ZNF827: variants seen among roughly 807,000 people sequenced by gnomAD.
ZNF827 encodes the protein zinc finger protein 827.
ZNF827 carries 13 observed loss-of-function variants against 102.4 expected under a neutral mutation model. The observed-to-expected ratio is 0.13, with a 90% CI of 0.08 to 0.20. The LOEUF (loss-of-function observed/expected upper bound fraction) is 0.20. ZNF827 is among the 10% of genes least tolerant of loss of function. The pLI, the probability that ZNF827 is intolerant of heterozygous loss-of-function variation, is 1.00. For missense variants in ZNF827, 1,103 were observed against 1,344.4 expected, an observed-to-expected ratio of 0.82 and a Z score of 2.81; for synonymous variants, 523 against 536.2, an observed-to-expected ratio of 0.98 and a Z score of 0.34.
At chr4:145,770,338 AT>A (rs752306437) in intron 11 of ZNF827, among the ~76,000 whole-genome samples, 3,974 of 66,162 alleles carry the variant, frequency 0.06, 94 homozygotes, top group Middle Eastern at 0.14. Context: ...AAATAAATAA[AT>A]AAATAAATAA....
intron 5 of ZNF827, among the ~76,000 whole-genome samples, chr4:145,868,722 T>C (rs1748422723): frequency 1.3e-5 from 2 of 152,252 alleles, no homozygotes; most frequent in South Asian, 4.1e-4. Context: ...CTTTTGGTGC[T>C]ACCCAAGTCT....
chr4:145,831,645 T>TA (rs1744220368), intron 7 of ZNF827: 2 of 152,358 alleles, frequency 1.3e-5, no homozygotes, highest in East Asian at 3.9e-4. Flanking sequence ...CTGTAGCAAT[T>TA]AAAAACTAAA....
chr4:145,894,093 A>G (rs1307935950), intron 2 of ZNF827, among the ~76,000 whole-genome samples: 1 of 152,220 alleles, frequency 6.6e-6, no homozygotes, highest in South Asian at 2.1e-4. Flanking sequence ...TAGATGTGAC[A>G]GTGGAATTGT....
intron 4 of ZNF827, among the ~76,000 whole-genome samples, chr4:145,882,094 G>A (rs953960798): frequency 4.6e-5 from 7 of 152,140 alleles, no homozygotes; most frequent in African/African-American, 7.2e-5. Flanking sequence ...GCTGGCTATG[G>A]GTGACAAGGC....
chr4:145,862,918 C>T (rs146327350), intron 5 of ZNF827, among the ~76,000 whole-genome samples: 5 of 152,056 alleles, frequency 3.3e-5, no homozygotes, highest in Non-Finnish European at 7.4e-5. Flanking sequence ...AAATTAAAAA[C>T]GTTCATGCTG....
intron 4 of ZNF827, among the ~76,000 whole-genome samples, chr4:145,878,590 G>A (rs1257787849): frequency 1.5e-5 from 2 of 137,740 alleles, no homozygotes; most frequent in Non-Finnish European, 3.1e-5. Context: ...GACAGGACAG[G>A]ACAGGACAGG....
intron 8 of ZNF827, among the ~76,000 whole-genome samples, chr4:145,805,053 A>G (rs1741272165): frequency 6.6e-6 from 1 of 151,838 alleles, no homozygotes. Flanking sequence ...TGTTAGAGTA[A>G]TTTGCAGTTT....
intron 8 of ZNF827, among the ~76,000 whole-genome samples, chr4:145,820,804 C>T (rs985381443): frequency 2.0e-5 from 3 of 152,096 alleles, no homozygotes; most frequent in Admixed American, 6.6e-5. Flanking sequence ...AATCTGCTGC[C>T]GGATTGGTCT....
At chr4:145,922,826 C>A (rs1165366914) in intron 1 of ZNF827, among the ~76,000 whole-genome samples, 1 of 152,126 alleles carries the variant, frequency 6.6e-6, no homozygotes, top group Non-Finnish European at 1.5e-5. Flanking sequence ...AAGACTGATA[C>A]TTCAAGGAAA....
At chr4:145,887,039 T>C (rs1750174573) in intron 3 of ZNF827, among the ~76,000 whole-genome samples, 2 of 152,258 alleles carry the variant, frequency 1.3e-5, no homozygotes, top group Admixed American at 1.3e-4. Context: ...CTTCCCCATT[T>C]ATCTCTGCCA....
chr4:145,833,936 C>T (rs546524243), intron 7 of ZNF827, among the ~76,000 whole-genome samples: 14 of 151,760 alleles, frequency 9.2e-5, no homozygotes, highest in African/African-American at 2.9e-4. Context: ...TAAGAACCCC[C>T]GAACCCCTTC....
In ZNF827 at chr4:145,856,298, A is replaced by C. The variant is rs72954671; in HGVS notation, c.1982-6737T>G. ...GCATGAGCCACCGTGTCTCCAGCCA[A>C]GACAAGTTTTATGTTCTATAAAGGA... On this transcript the variant is annotated intron_variant, in intron 5 of 14. Transcript: ENST00000508784. Among the ~76,000 whole-genome samples the C allele has an allele frequency of 7.2e-3, 1,096 of 152,308 alleles. 17 individuals are homozygous for C. The highest frequency in any genetic ancestry group is 0.025 in the African/African-American group (1,057 of 41,570).
intron 8 of ZNF827, among the ~76,000 whole-genome samples, chr4:145,794,679 G>A (rs1426551837): frequency 6.6e-6 from 1 of 151,892 alleles, no homozygotes; most frequent in African/African-American, 2.4e-5. Context: ...CAGCCCGGGC[G>A]ACAGGGCGAG....
At chr4:145,823,618 A>C (rs969686418) in intron 7 of ZNF827, 93 bp from the exon 8 acceptor site, 3 of 817,034 alleles carry the variant, frequency 3.7e-6, no homozygotes, top group Non-Finnish European at 6.3e-6. Context: ...ACGCAATATT[A>C]GATAAGGTGT....
chr4:145,789,645 G>T (rs950798678), intron 8 of ZNF827, among the ~76,000 whole-genome samples: 14 of 152,072 alleles, frequency 9.2e-5, no homozygotes, highest in African/African-American at 3.4e-4. Context: ...TCCCAAACCC[G>T]AATCTGTCTG....
At chr4:145,836,145 A>C (rs377325404) in intron 7 of ZNF827, among the ~76,000 whole-genome samples, 6,502 of 151,326 alleles carry the variant, frequency 0.043, 174 homozygotes, top group Middle Eastern at 0.051. Flanking sequence ...TACTTCAATC[A>C]AGCCCAAATT....
intron 4 of ZNF827, among the ~76,000 whole-genome samples, chr4:145,880,486 C>T (rs957508778): frequency 6.6e-6 from 1 of 152,212 alleles, no homozygotes; most frequent in Non-Finnish European, 1.5e-5. Context: ...GCCCCACTTA[C>T]GTATAATCCT....
At chr4:145,807,781 A>C (rs1741610360) in intron 8 of ZNF827, among the ~76,000 whole-genome samples, 2 of 150,400 alleles carry the variant, frequency 1.3e-5, no homozygotes, top group South Asian at 2.1e-4. Flanking sequence ...CTTTAAAAAA[A>C]AAAAACAAAA....
At chr4:145,899,348 A>AG (rs1429369967) in intron 2 of ZNF827, among the ~76,000 whole-genome samples, 4 of 152,148 alleles carry the variant, frequency 2.6e-5, no homozygotes, top group Non-Finnish European at 5.9e-5. Flanking sequence ...GGGAGGGTAG[A>AG]GGGGACAGAT....
Sources: gnomAD v4.1 joint callset for allele counts (sites outside exome capture counted in the v4.1 genomes callset) on GRCh38, gnomAD v4.1.1 for gene constraint, MANE v1.5 for transcripts, NCBI Gene and HGNC (gene_info 2026-07-23, HGNC 2026-07-21) for gene names.